The following CPPED1 variants were observed in gnomAD, a reference collection of about 807,000 sequenced individuals.
The protein encoded by CPPED1 is serine/threonine-protein phosphatase CPPED1.
CPPED1 carries 28 observed loss-of-function variants against 28.0 expected under a neutral mutation model. The ratio of observed to expected loss-of-function variants is 1.00; its 90% CI spans 0.74 to 1.37. The LOEUF is 1.37. Among genes scored for constraint, CPPED1 ranks in the 40% most tolerant of loss-of-function variants. CPPED1 has a pLI of 0.00. For synonymous variants in CPPED1, 198 were observed against 180.2 expected (o/e 1.10, Z -0.79); for missense variants, 504 against 416.5 (o/e 1.21, Z -1.83).
chr16:12,747,549 C>A (rs2141215455), intron 2 of CPPED1, among the ~76,000 whole-genome samples: 1 of 152,112 alleles, frequency 6.6e-6, no homozygotes, highest in East Asian at 1.9e-4. Flanking sequence ...AATACATCAC[C>A]TGAATAGCCT....
chr16:12,716,223 C>T (rs1198517053), intron 2 of CPPED1, among the ~76,000 whole-genome samples: 1 of 152,222 alleles, frequency 6.6e-6, no homozygotes, highest in Non-Finnish European at 1.5e-5. Context: ...AAAGTGATCA[C>T]CTCTCCTGTA....
intron 1 of CPPED1, among the ~76,000 whole-genome samples, chr16:12,788,479 C>G (rs748242): frequency 0.04 from 6,036 of 152,248 alleles, 179 homozygotes; most frequent in East Asian, 0.14. Context: ...CCGCCTTTTC[C>G]TACCTAAGTA....
chr16:12,725,019 C>G (rs1596461115), intron 2 of CPPED1, among the ~76,000 whole-genome samples: 1 of 152,132 alleles, frequency 6.6e-6, no homozygotes, highest in Admixed American at 6.5e-5. Context: ...ATCTCCTGAC[C>G]TCGTGATCCA....
At chr16:12,677,093 G>A (rs144653676) in intron 3 of CPPED1, among the ~76,000 whole-genome samples, 90 of 152,284 alleles carry the variant, frequency 5.9e-4, no homozygotes, top group African/African-American at 1.9e-3. Context: ...GGCACCAAAC[G>A]TAAAGGCTCC....
rs147098480 is a variant in CPPED1 at position 12,683,670 on chromosome 16, A to C, written c.716-18555T>G. Among the ~76,000 whole-genome samples the C allele has an allele frequency of 1.6e-3, 239 of 152,082 alleles. 1 individual carries two copies. The highest frequency in any genetic ancestry group is 5.5e-3 in the African/African-American group (229 of 41,492). On this transcript the variant is annotated intron_variant, in intron 3 of 3. Transcript: ENST00000381774. ...GAGACTCCCTTCCTCCGCCTGGTCC[A>C]TGCGTCCTGTTGACCTGTCTGCCTG...
chr16:12,673,852 G>A (rs2079864949), intron 3 of CPPED1, among the ~76,000 whole-genome samples: 1 of 152,072 alleles, frequency 6.6e-6, no homozygotes, highest in Admixed American at 6.5e-5. Context: ...TTGGAGACCA[G>A]CCTCGGCAAC....
chr16:12,750,488 G>A (rs903128446), intron 2 of CPPED1, among the ~76,000 whole-genome samples: 1 of 152,158 alleles, frequency 6.6e-6, no homozygotes, highest in Non-Finnish European at 1.5e-5. Flanking sequence ...CCACTCAGTG[G>A]AGCAGTCAGA....
rs147933746 is a variant in CPPED1 at position 12,738,518 on chromosome 16, G to A, written c.290-33469C>T. On this transcript the variant is annotated intron_variant, in intron 2 of 3. Coordinates refer to ENST00000381774, the MANE Select transcript of CPPED1 (RefSeq NM_018340.3). The stretch of plus-strand genomic sequence containing the variant: ...TCTCTGAATATTTTAGTTCACAAAT[G>A]TGTAACTGTAAGCTGTGGACATGAA... Among the ~76,000 whole-genome samples, 173 of 152,192 alleles carry A rather than the reference G, an allele frequency of 1.1e-3. 1 individual carries two copies. The highest frequency in any genetic ancestry group is 2.0e-3 in the Non-Finnish European group (138 of 68,014).
chr16:12,758,091 T>C (rs2080383554), intron 2 of CPPED1, among the ~76,000 whole-genome samples: 1 of 152,078 alleles, frequency 6.6e-6, no homozygotes. Flanking sequence ...ATACTTTTCC[T>C]TCCTGCAGGA....
intron 3 of CPPED1, among the ~76,000 whole-genome samples, chr16:12,697,226 T>C (rs988618254): frequency 6.6e-6 from 1 of 152,160 alleles, no homozygotes; most frequent in Non-Finnish European, 1.5e-5. Flanking sequence ...GGTTTCTCCA[T>C]GTTGGCCAGG....
intron 2 of CPPED1, among the ~76,000 whole-genome samples, chr16:12,724,254 T>A (rs1339051258): frequency 1.3e-5 from 2 of 152,158 alleles, no homozygotes; most frequent in South Asian, 4.1e-4. Context: ...GGGGTCCCAC[T>A]GACTTACTAC....
intron 2 of CPPED1, among the ~76,000 whole-genome samples, chr16:12,722,342 A>G (rs914290384): frequency 2.0e-5 from 3 of 152,256 alleles, no homozygotes; most frequent in African/African-American, 7.2e-5. Flanking sequence ...GTTGCAAACC[A>G]AATGATTTCT....
In CPPED1 at chr16:12,682,325, C is replaced by T. The variant is rs527304951; in HGVS notation, c.716-17210G>A. On this transcript the variant is annotated intron_variant, in intron 3 of 3. Transcript: ENST00000381774. This position sits in a 1 kb window ranked among gnomAD's most constrained non-coding sequence, Gnocchi z 6.1. ...TGCTGAGATTACAGACACGAGCCAC[C>T]GCGCCCAGCCCCTTTATTACTTTTC... Among the ~76,000 whole-genome samples the T allele has an allele frequency of 7.9e-5, 12 of 152,240 alleles. No individual in the cohort carries two copies. In the East Asian group the frequency reaches 1.2e-3, roughly 15 times the overall value.
intron 2 of CPPED1, among the ~76,000 whole-genome samples, chr16:12,710,761 G>A (rs1050193851): frequency 6.6e-6 from 1 of 152,108 alleles, no homozygotes; most frequent in East Asian, 1.9e-4. Context: ...ACTTATTAAA[G>A]AAATGCAAAT....
In CPPED1 at chr16:12,803,887, C is replaced by T; in HGVS notation, c.-111G>A. 3 of 807,588 alleles carry T rather than the reference C, an allele frequency of 3.7e-6. No individual in the cohort carries two copies. The highest frequency in any genetic ancestry group is 5.4e-6 in the Non-Finnish European group (3 of 555,520). The allele number at this position is 807,588 out of a possible 1,614,324, so 50.0% of individuals were successfully genotyped here. ...CGCTTTGGGCGACGCCCTTTGATCT[C>T]GGGGCGGGACTGGGGCGGGACGGGG... is the stretch of plus-strand genomic sequence containing the variant. On this transcript the variant is annotated 5_prime_UTR_variant, in exon 1 of 4. Transcript: ENST00000381774.
intron 2 of CPPED1, among the ~76,000 whole-genome samples, chr16:12,728,660 A>C (rs140821509): frequency 6.6e-6 from 1 of 152,328 alleles, no homozygotes; most frequent in East Asian, 1.9e-4. Flanking sequence ...TTACTCTACA[A>C]CAAGATGCTA....
chr16:12,747,131 A>C (rs2080294473), intron 2 of CPPED1, among the ~76,000 whole-genome samples: 1 of 152,078 alleles, frequency 6.6e-6, no homozygotes, highest in South Asian at 2.1e-4. Flanking sequence ...GAATTCTACC[A>C]ATAGAAATAT....
chr16:12,773,031 T>A (rs1375965052), intron 2 of CPPED1, among the ~76,000 whole-genome samples: 1 of 152,236 alleles, frequency 6.6e-6, no homozygotes, highest in African/African-American at 2.4e-5. Context: ...GCCACCAGCT[T>A]AGTTTCAAAC....
intron 3 of CPPED1, among the ~76,000 whole-genome samples, chr16:12,669,335 G>A (rs539289329): frequency 1.1e-3 from 160 of 152,250 alleles, no homozygotes; most frequent in Non-Finnish European, 1.8e-3. Context: ...AGGGTGGAAC[G>A]GGAGAGTGAC....
Sources: allele counts gnomAD v4.1 joint callset (sites outside exome capture counted in the v4.1 genomes callset), GRCh38; gene constraint gnomAD v4.1.1; non-coding constraint Gnocchi (gnomAD v3.1); transcripts MANE v1.5; gene names NCBI Gene and HGNC (gene_info 2026-07-23, HGNC 2026-07-21).